RNF217: variants seen among roughly 807,000 people sequenced by gnomAD.
RNF217 encodes the protein E3 ubiquitin-protein ligase RNF217.
Under a neutral mutation model 57.8 loss-of-function variants are expected in RNF217, and 31 were observed. The ratio of observed to expected loss-of-function variants is 0.54; its 90% CI spans 0.40 to 0.72. The LOEUF is 0.72. Among genes scored for constraint, RNF217 ranks in the 30% least tolerant of loss-of-function variants. RNF217 has a pLI of 0.00. For missense variants in RNF217, 696 were observed against 708.3 expected, an observed-to-expected ratio of 0.98 and a Z score of 0.20; for synonymous variants, 313 against 294.0, an observed-to-expected ratio of 1.06 and a Z score of -0.66.
intron 1 of RNF217, among the ~76,000 whole-genome samples, chr6:124,977,481 A>G (rs568539391): frequency 4.8e-4 from 73 of 152,380 alleles, no homozygotes; most frequent in Non-Finnish European, 9.8e-4. Flanking sequence ...TTTCACAATT[A>G]CTGGTGTCAG....
chr6:125,055,669 G>T (rs1458345912), intron 2 of RNF217, among the ~76,000 whole-genome samples: 1 of 152,116 alleles, frequency 6.6e-6, no homozygotes, highest in East Asian at 1.9e-4. Context: ...TCAGAATTAT[G>T]AATAATGTCC....
At chr6:125,060,265 G>A (rs980680146) in intron 3 of RNF217, among the ~76,000 whole-genome samples, 2 of 151,610 alleles carry the variant, frequency 1.3e-5, no homozygotes, top group East Asian at 3.9e-4. Flanking sequence ...AATGCCTCCA[G>A]GTAAACAATT....
At chr6:124,967,413 A>G (rs1183816408) in intron 1 of RNF217, among the ~76,000 whole-genome samples, 1 of 152,224 alleles carries the variant, frequency 6.6e-6, no homozygotes, top group Non-Finnish European at 1.5e-5. Flanking sequence ...AGACAGAAAA[A>G]TCTGTCATAA....
At position 125,092,390 on chromosome 6, in the gene RNF217, A is replaced by G. The variant is rs141612956; in HGVS notation, c.*9453A>G. The G allele has an allele frequency of 9.1e-4, 139 of 152,328 alleles. No homozygotes were observed. Among genetic ancestry groups the G allele is most frequent in the African/African-American group, 3.2e-3 (134 of 41,558 alleles). The allele number at this position is 152,328 out of a possible 1,614,324, so 9.4% of individuals were successfully genotyped here. A position where few individuals can be genotyped will look rare whatever the true frequency, so the allele number is the denominator to read the frequency against. The stretch of plus-strand genomic sequence containing the variant: ...CCTTTTGTTGTGGTTGGGCTTTTAT[A>G]AAAAATTATTTTCGGTTGGTTGTTG... On this transcript the variant is annotated 3_prime_UTR_variant, in exon 6 of 6. Coordinates refer to ENST00000521654, the MANE Select transcript of RNF217 (RefSeq NM_001286398.3).
intron 1 of RNF217, among the ~76,000 whole-genome samples, chr6:125,033,744 G>C (rs1486863884): frequency 6.6e-6 from 1 of 151,966 alleles, no homozygotes; most frequent in African/African-American, 2.4e-5. Flanking sequence ...GGTATTTCTA[G>C]TTCAAGATCC....
At chr6:124,993,129 G>A (rs1784624335) in intron 1 of RNF217, among the ~76,000 whole-genome samples, 1 of 151,988 alleles carries the variant, frequency 6.6e-6, no homozygotes, top group East Asian at 1.9e-4. Context: ...ACTTTCTTTT[G>A]GTCTCTACTG....
chr6:125,071,276 T>C (rs1011026139), intron 3 of RNF217, among the ~76,000 whole-genome samples: 3 of 152,184 alleles, frequency 2.0e-5, no homozygotes, highest in Non-Finnish European at 4.4e-5. Context: ...ATTTCGATCT[T>C]TTCCCAGGCT....
intron 1 of RNF217, among the ~76,000 whole-genome samples, chr6:125,015,921 A>G (rs1785584905): frequency 6.6e-6 from 1 of 152,176 alleles, no homozygotes; most frequent in Admixed American, 6.6e-5. Context: ...CAGCAAAAAA[A>G]ATTAAATTTT....
At chr6:125,027,511 T>C (rs1001761086) in intron 1 of RNF217, among the ~76,000 whole-genome samples, 1 of 152,194 alleles carries the variant, frequency 6.6e-6, no homozygotes, top group Non-Finnish European at 1.5e-5. Context: ...GGCTGAATAG[T>C]ACTCCATTGT....
At chr6:125,068,253 C>CTGCAACAGGGCTAG in intron 3 of RNF217, among the ~76,000 whole-genome samples, 1 of 152,150 alleles carries the variant, frequency 6.6e-6, no homozygotes, top group East Asian at 1.9e-4. Flanking sequence ...GTGAGGAATG[C>CTGCAACAGGGCTAG]TGCAACAGGG....
chr6:125,080,858 C>T (rs1000731885), intron 4 of RNF217, among the ~76,000 whole-genome samples: 3 of 152,160 alleles, frequency 2.0e-5, no homozygotes, highest in South Asian at 2.1e-4. Context: ...TAACTTTCAA[C>T]GTACTAGGTA....
At chr6:125,030,565 A>G (rs1786310937) in intron 1 of RNF217, among the ~76,000 whole-genome samples, 1 of 152,196 alleles carries the variant, frequency 6.6e-6, no homozygotes, top group Non-Finnish European at 1.5e-5. Context: ...TGCAAGTCCA[A>G]AATCCAGTAG....
chr6:125,037,323 A>C (rs1248897143), intron 1 of RNF217, among the ~76,000 whole-genome samples: 1 of 152,196 alleles, frequency 6.6e-6, no homozygotes, highest in Non-Finnish European at 1.5e-5. Flanking sequence ...AGTAGCTTTT[A>C]AACAACAAAC....
At chr6:124,988,210 A>G (rs775613516) in intron 1 of RNF217, among the ~76,000 whole-genome samples, 1 of 152,186 alleles carries the variant, frequency 6.6e-6, no homozygotes, top group Non-Finnish European at 1.5e-5. Flanking sequence ...TCCCAAAACT[A>G]TCACCCCTGA....
chr6:125,048,147 T>C, intron 2 of RNF217: 2 of 1,293,522 alleles, frequency 1.5e-6, no homozygotes, highest in South Asian at 2.5e-5. Flanking sequence ...GTCTGGGTAT[T>C]ATAGGTAAGG....
intron 1 of RNF217, among the ~76,000 whole-genome samples, chr6:124,984,299 C>A (rs913457260): frequency 1.3e-5 from 2 of 152,046 alleles, no homozygotes; most frequent in African/African-American, 4.8e-5. Flanking sequence ...GTAATTCCAG[C>A]ACTTTGGGAA....
chr6:125,076,616 A>G (rs1177757494), intron 3 of RNF217, 41 bp from the exon 4 acceptor site: 1 of 1,469,228 alleles, frequency 6.8e-7, no homozygotes, highest in Non-Finnish European at 9.5e-7. Context: ...TTAAAAACTC[A>G]GCTAACTCTT....
chr6:125,008,436 C>T (rs1323133454), intron 1 of RNF217, among the ~76,000 whole-genome samples: 4 of 152,130 alleles, frequency 2.6e-5, no homozygotes, highest in African/African-American at 9.7e-5. Context: ...ACCTGCCATC[C>T]TACCTCTTTT....
At chr6:125,003,909 G>A (rs993084241) in intron 1 of RNF217, among the ~76,000 whole-genome samples, 4 of 152,066 alleles carry the variant, frequency 2.6e-5, no homozygotes, top group Admixed American at 6.5e-5. Context: ...GTTAGGGAAG[G>A]CCTATTATGG....
Sources: gnomAD v4.1 joint callset for allele counts (sites outside exome capture counted in the v4.1 genomes callset) on GRCh38, gnomAD v4.1.1 for gene constraint, MANE v1.5 for transcripts, NCBI Gene and HGNC (gene_info 2026-07-23, HGNC 2026-07-21) for gene names.